The following INTS9 variants were observed in gnomAD, a reference collection of about 807,000 sequenced individuals.
The protein encoded by INTS9 is integrator complex subunit 9.
In INTS9, 55 loss-of-function variants were observed where a neutral mutation model predicts 79.7. The ratio of observed to expected loss-of-function variants is 0.69; its 90% CI spans 0.56 to 0.86. The LOEUF (loss-of-function observed/expected upper bound fraction) is 0.86, where lower values mean the gene tolerates loss of function less well. Ranked by LOEUF, INTS9 falls within the 40% of genes least tolerant of loss-of-function variation. The pLI is 0.00. For missense variants in INTS9, 721 were observed against 831.5 expected (o/e 0.87, Z 1.64); for synonymous variants, 319 against 325.2 (o/e 0.98, Z 0.20).
intron 10 of INTS9, among the ~76,000 whole-genome samples, chr8:28,790,954 T>C (rs1803887473): frequency 6.6e-6 from 1 of 152,266 alleles, no homozygotes; most frequent in African/African-American, 2.4e-5. Context: ...ACTTGCTGTA[T>C]GAACCTACCC....
chr8:28,824,895 A>G (rs1003917242), intron 6 of INTS9, among the ~76,000 whole-genome samples: 2 of 152,212 alleles, frequency 1.3e-5, no homozygotes, highest in African/African-American at 4.8e-5. Flanking sequence ...TTTCTCTGCA[A>G]TGGGGAAATG....
chr8:28,826,275 A>C (rs942396911), intron 6 of INTS9, among the ~76,000 whole-genome samples: 3 of 152,214 alleles, frequency 2.0e-5, no homozygotes, highest in Admixed American at 2.0e-4. Context: ...AGTGCCCAAT[A>C]TAAATGACAC....
intron 6 of INTS9, among the ~76,000 whole-genome samples, chr8:28,823,730 A>G (rs1375045502): frequency 6.6e-6 from 1 of 151,380 alleles, no homozygotes; most frequent in African/African-American, 2.4e-5. Flanking sequence ...ACATAAAACA[A>G]CTAGACAAAT....
intron 10 of INTS9, among the ~76,000 whole-genome samples, chr8:28,791,566 C>A (rs1186884545): frequency 6.6e-6 from 1 of 152,156 alleles, no homozygotes; most frequent in Admixed American, 6.5e-5. Flanking sequence ...TTTCTTAACC[C>A]CCCAAATGGG....
At position 28,791,306 on chromosome 8, in the gene INTS9, C is replaced by G. The variant is rs79422486; in HGVS notation, c.1037+2501G>C. Among the ~76,000 whole-genome samples, 496 of 152,248 alleles carry G rather than the reference C, an allele frequency of 3.3e-3. 5 individuals carry two copies. The highest frequency in any genetic ancestry group is 0.011 in the African/African-American group (453 of 41,540). ...GCTTAGAATCCTCCAATGAATCCCC[C>G]CCATGGACAGGATCCCTCTAGCCTC... is the stretch of plus-strand genomic sequence containing the variant. On this transcript the variant is annotated intron_variant, in intron 10 of 16. Transcript: ENST00000521022.
Position 28,782,317 on chromosome 8 carries a change from C to T in INTS9, c.1099-1323G>A, listed in dbSNP as rs191573989. Among the ~76,000 whole-genome samples, 62 of 152,326 alleles carry T rather than the reference C, an allele frequency of 4.1e-4. 1 individual carries two copies. Among genetic ancestry groups the T allele is most frequent in the African/African-American group, 1.3e-3 (56 of 41,564 alleles). On this transcript the variant is annotated intron_variant, in intron 11 of 16. Transcript: ENST00000521022. ...AAGTACAAGTGACTTTCCCAACACTCGTGAATCACCAAGTCCTGGTGACAG... is the reference window on the plus strand; with the variant it reads ...AAGTACAAGTGACTTTCCCAACACTTGTGAATCACCAAGTCCTGGTGACAG...
At chr8:28,879,338 T>C (rs976695387) in intron 1 of INTS9, among the ~76,000 whole-genome samples, 11 of 152,290 alleles carry the variant, frequency 7.2e-5, no homozygotes, top group African/African-American at 2.6e-4. Context: ...CCTTGATAGA[T>C]GAAGGAAAAG....
intron 8 of INTS9, among the ~76,000 whole-genome samples, chr8:28,797,819 G>A (rs933148085): frequency 5.9e-5 from 9 of 152,082 alleles, no homozygotes; most frequent in Non-Finnish European, 1.3e-4. Context: ...TACTAAGAAG[G>A]CTTACTCCTC....
rs143779981 is a variant in INTS9, at chr8:28,868,840, T to C, written c.10-9277A>G. 4.1e-3 allele frequency among the ~76,000 whole-genome samples: 620 copies of C among 152,286 alleles called. 3 individuals carry two copies. The highest frequency in any genetic ancestry group is 0.014 in the African/African-American group (585 of 41,566). ...TTTCTGGGCTGGATGCGGTGGCTCA[T>C]GGCTGTAATCCCAGCACTTTGGGAG... On this transcript the variant is annotated intron_variant, in intron 1 of 16. Transcript: ENST00000521022.
At chr8:28,779,854 C>G (rs575812305) in intron 12 of INTS9, among the ~76,000 whole-genome samples, 1 of 152,202 alleles carries the variant, frequency 6.6e-6, no homozygotes, top group Non-Finnish European at 1.5e-5. Flanking sequence ...TCTGGTGTAA[C>G]TGGATTCCCA....
chr8:28,807,696 A>C (rs568974710), intron 8 of INTS9, among the ~76,000 whole-genome samples: 1 of 152,340 alleles, frequency 6.6e-6, no homozygotes, highest in East Asian at 1.9e-4. Flanking sequence ...CTTTTAAAAA[A>C]TCAGAAAGTT....
At chr8:28,794,066 T>A in intron 9 of INTS9, 79 bp from the exon 10 acceptor site, 2 of 1,167,646 alleles carry the variant, frequency 1.7e-6, no homozygotes, top group Non-Finnish European at 2.3e-6. Context: ...TAAAATAAGA[T>A]TTGCACTTGT....
chr8:28,789,053 AC>A (rs895345699), intron 10 of INTS9, among the ~76,000 whole-genome samples: 8 of 152,378 alleles, frequency 5.3e-5, no homozygotes, highest in African/African-American at 1.9e-4. Context: ...GTTTAAAAAA[AC>A]ATCACTTTAT....
intron 6 of INTS9, among the ~76,000 whole-genome samples, chr8:28,814,172 A>C (rs1805327504): frequency 6.6e-6 from 1 of 152,042 alleles, no homozygotes; most frequent in South Asian, 2.1e-4. Context: ...GGAGACCTGA[A>C]GAGTAACTTC....
At chr8:28,775,438 C>A (rs917833913) in intron 14 of INTS9, among the ~76,000 whole-genome samples, 1 of 152,092 alleles carries the variant, frequency 6.6e-6, no homozygotes, top group Non-Finnish European at 1.5e-5. Flanking sequence ...CTGGTTCAAG[C>A]GATTCTCAGG....
At chr8:28,839,278 A>G (rs1470713030) in intron 4 of INTS9, among the ~76,000 whole-genome samples, 2 of 152,160 alleles carry the variant, frequency 1.3e-5, no homozygotes, top group East Asian at 3.8e-4. Flanking sequence ...CCACTGCTCA[A>G]TGAAATAAAA....
chr8:28,859,714 T>G (rs538516074), intron 1 of INTS9, 151 bp from the exon 2 acceptor site: 1 of 806,494 alleles, frequency 1.2e-6, no homozygotes, highest in African/African-American at 1.7e-5. Context: ...TTTTACTGCT[T>G]GGGGACTACT....
intron 8 of INTS9, among the ~76,000 whole-genome samples, chr8:28,810,995 T>C (rs535315621): frequency 6.6e-6 from 1 of 152,366 alleles, no homozygotes; most frequent in Admixed American, 6.5e-5. Context: ...GTGACCACAA[T>C]AGCCTTCTCT....
chr8:28,884,727 A>G (rs1041562986), intron 1 of INTS9, among the ~76,000 whole-genome samples: 1 of 152,234 alleles, frequency 6.6e-6, no homozygotes, highest in Non-Finnish European at 1.5e-5. Flanking sequence ...TACATCCTAA[A>G]GACACAGGAG....
Sources: gnomAD v4.1 joint callset for allele counts (sites outside exome capture counted in the v4.1 genomes callset) on GRCh38, gnomAD v4.1.1 for gene constraint, MANE v1.5 for transcripts, NCBI Gene and HGNC (gene_info 2026-07-23, HGNC 2026-07-21) for gene names.